Variants in SREBF2 observed in about 807,000 individuals in gnomAD.
SREBF2 encodes sterol regulatory element-binding protein 2.
A neutral mutation model predicts 113.1 loss-of-function variants in SREBF2; 55 were observed. That is an observed-to-expected ratio of 0.49 (90% CI 0.39 to 0.61). The LOEUF is 0.61. Among genes scored for constraint, SREBF2 ranks in the 20% least tolerant of loss-of-function variants. The pLI, the probability that SREBF2 is intolerant of heterozygous loss-of-function variation, is 0.00. For missense variants in SREBF2, 1,349 were observed against 1,487.4 expected (o/e 0.91, Z 1.53); for synonymous variants, 593 against 605.7 (o/e 0.98, Z 0.31).
At chr22:41,869,648 T>C (rs901646290) in intron 3 of SREBF2, among the ~76,000 whole-genome samples, 1 of 151,246 alleles carries the variant, frequency 6.6e-6, no homozygotes, top group African/African-American at 2.4e-5. Context: ...TGCACCTGGC[T>C]AGTTTTTTGT....
At chr22:41,851,060 CATA>C (rs2076924892) in intron 1 of SREBF2, among the ~76,000 whole-genome samples, 1 of 152,098 alleles carries the variant, frequency 6.6e-6, no homozygotes, top group African/African-American at 2.4e-5. Context: ...ACTTTTAAAA[CATA>C]ATAATATTGG....
At chr22:41,882,344 G>T (rs2077254747) in intron 10 of SREBF2, among the ~76,000 whole-genome samples, 1 of 152,206 alleles carries the variant, frequency 6.6e-6, no homozygotes, top group Non-Finnish European at 1.5e-5. Flanking sequence ...CAGGAAAAGG[G>T]TGGTGAGTTC....
chr22:41,866,082 T>C (rs1215413451), intron 1 of SREBF2, among the ~76,000 whole-genome samples: 2 of 152,124 alleles, frequency 1.3e-5, no homozygotes, highest in African/African-American at 2.4e-5. Flanking sequence ...GGGTCTGCAG[T>C]GCTAGGATTA....
intron 11 of SREBF2, among the ~76,000 whole-genome samples, chr22:41,891,738 G>A (rs981986255): frequency 6.6e-6 from 1 of 152,156 alleles, no homozygotes; most frequent in African/African-American, 2.4e-5. Context: ...TGGCAGCCCC[G>A]CCCCTGGGCT....
rs757353443 is a variant in SREBF2, at chr22:41,847,939, G to A, written c.88+14581G>A. Among the ~76,000 whole-genome samples the A allele has an allele frequency of 3.2e-3, 452 of 141,122 alleles. 3 individuals are homozygous for A. The highest frequency in any genetic ancestry group is 4.3e-3 in the Non-Finnish European group (282 of 66,314). The allele number at this position is 141,122 out of a possible 152,430, so 92.6% of individuals were successfully genotyped here. A position where few individuals can be genotyped will look rare whatever the true frequency, so the allele number is the denominator to read the frequency against. ...ATTATTATTTTTTTTTTTTTGAGAC[G>A]GAGTCTCGCTCTGTCGCCCAGGCTG... is the stretch of plus-strand genomic sequence containing the variant. On this transcript the variant is annotated intron_variant, in intron 1 of 18. Coordinates refer to ENST00000361204, the MANE Select transcript of SREBF2 (RefSeq NM_004599.4).
intron 1 of SREBF2, among the ~76,000 whole-genome samples, chr22:41,843,639 C>T (rs5751170): frequency 2.0e-5 from 3 of 152,114 alleles, no homozygotes; most frequent in Non-Finnish European, 4.4e-5. Flanking sequence ...AAGCAGGCTT[C>T]TAAGTTGCAA....
chr22:41,872,664 G>A (rs530567703), intron 4 of SREBF2, among the ~76,000 whole-genome samples: 13 of 152,216 alleles, frequency 8.5e-5, no homozygotes, highest in African/African-American at 3.1e-4. Context: ...GCTGAGGTGG[G>A]CAGATCACCT....
chr22:41,871,286 G>T (rs765845752), intron 4 of SREBF2, among the ~76,000 whole-genome samples: 5 of 152,160 alleles, frequency 3.3e-5, no homozygotes, highest in Non-Finnish European at 5.9e-5. Context: ...TCTATTCTTG[G>T]CTAATAGCTC....
intron 1 of SREBF2, among the ~76,000 whole-genome samples, chr22:41,834,970 A>C (rs1295811045): frequency 6.6e-6 from 1 of 152,040 alleles, no homozygotes; most frequent in Non-Finnish European, 1.5e-5. Flanking sequence ...CCTCTCACTG[A>C]TCCTGAAAGT....
intron 1 of SREBF2, among the ~76,000 whole-genome samples, chr22:41,840,102 G>T (rs1569368294): frequency 6.6e-6 from 1 of 151,642 alleles, no homozygotes; most frequent in African/African-American, 2.4e-5. Context: ...GGGATTATAG[G>T]CACCCACCTC....
rs1344355979 is a variant in SREBF2, at chr22:41,906,182, T to C, written c.*522T>C. The C allele has an allele frequency of 2.8e-6, 1 of 360,880 alleles. No individual in the cohort carries two copies. The highest frequency in any genetic ancestry group is 5.5e-6 in the Non-Finnish European group (1 of 183,226). The allele number at this position is 360,880 out of a possible 1,614,324, so 22.4% of individuals were successfully genotyped here. ...GTAGCGTCTTGATTCTCTCCCTGGGTCTGCGTTCCCTCCCCTGGGCCTGAC... is the reference window on the plus strand; with the variant it reads ...GTAGCGTCTTGATTCTCTCCCTGGGCCTGCGTTCCCTCCCCTGGGCCTGAC... On this transcript the variant is annotated 3_prime_UTR_variant, in exon 19 of 19. Transcript: ENST00000361204.
chr22:41,852,571 G>A (rs547016161), intron 1 of SREBF2, among the ~76,000 whole-genome samples: 2 of 151,962 alleles, frequency 1.3e-5, no homozygotes, highest in East Asian at 1.9e-4. Flanking sequence ...ACAGGCCATG[G>A]GAGATGACCT....
At chr22:41,887,302 C>G (rs2077308742) in intron 11 of SREBF2, among the ~76,000 whole-genome samples, 1 of 152,036 alleles carries the variant, frequency 6.6e-6, no homozygotes, top group African/African-American at 2.4e-5. Flanking sequence ...ACAGAGTAAA[C>G]ACACCCTTAT....
chr22:41,863,749 T>C (rs561865321), intron 1 of SREBF2, among the ~76,000 whole-genome samples: 1 of 152,304 alleles, frequency 6.6e-6, no homozygotes, highest in African/African-American at 2.4e-5. Flanking sequence ...ATGCTGTTTT[T>C]CCCAGCAGGT....
Position 41,898,712 on chromosome 22 carries a change from G to A in SREBF2, c.2669G>A (p.Gly890Glu), listed in dbSNP as rs1235931065. 1.9e-5 allele frequency: 30 copies of A among 1,614,030 alleles called. No homozygotes were observed. The highest frequency in any genetic ancestry group is 2.4e-5 in the Non-Finnish European group (28 of 1,180,026). The change falls in exon 15 of 19, where the codon GGA becomes GAA. Residue 890 changes from glycine to glutamate, a missense_variant. Around this residue, in one of 2 missense-constraint regions of SREBF2, gnomAD observed 650 missense variants for 644.1 expected, o/e 1.01. Transcript: ENST00000361204. ...AITVAISWLQ[G>E]DDAAVRSHFT... ...ACTGTGGCCATCAGCTGGCTCCAGG[G>A]AGACGATGCAGCTGTGCGCTCTCAT...
In SREBF2 at chr22:41,878,676, A is replaced by G. The variant is rs892217087; in HGVS notation, c.1761+553A>G. 14 of 1,304,186 alleles carry G rather than the reference A, an allele frequency of 1.1e-5. No individual in the cohort carries two copies. The Middle Eastern group carries it at 1.5e-3, about 138-fold the overall frequency. 80.8% of individuals were successfully genotyped at this position (1,304,186 alleles called of 1,614,324 possible). A position where few individuals can be genotyped will look rare whatever the true frequency, so the allele number is the denominator to read the frequency against. ...ATCAACAGGGAGTTTACGGAAAAAA[A>G]TCTGGGGCAACTCACAGCATTGAGG... is the stretch of plus-strand genomic sequence containing the variant. On this transcript the variant is annotated intron_variant, in intron 9 of 18. Coordinates refer to ENST00000361204, the MANE Select transcript of SREBF2 (RefSeq NM_004599.4).
chr22:41,890,839 C>T (rs973791851), intron 11 of SREBF2, among the ~76,000 whole-genome samples: 3 of 150,828 alleles, frequency 2.0e-5, no homozygotes, highest in Admixed American at 6.6e-5. Flanking sequence ...ACCCAGGAGG[C>T]GGAGGTTGCA....
intron 11 of SREBF2, among the ~76,000 whole-genome samples, chr22:41,887,688 C>G (rs1292943642): frequency 6.6e-6 from 1 of 152,150 alleles, no homozygotes; most frequent in African/African-American, 2.4e-5. Flanking sequence ...TCCTTGTACA[C>G]ACATCTTTCA....
At chr22:41,890,831 C>G (rs1259492395) in intron 11 of SREBF2, among the ~76,000 whole-genome samples, 4 of 151,712 alleles carry the variant, frequency 2.6e-5, no homozygotes, top group Admixed American at 2.6e-4. Context: ...TTGCTAGAAC[C>G]CAGGAGGCGG....
Sources: allele counts gnomAD v4.1 joint callset (sites outside exome capture counted in the v4.1 genomes callset), GRCh38; gene constraint gnomAD v4.1.1; regional missense constraint gnomAD v4.1.1; transcripts MANE v1.5; gene names NCBI Gene and HGNC (gene_info 2026-07-23, HGNC 2026-07-21).